The following RABEP1 variants were observed in gnomAD, a reference collection of about 807,000 sequenced individuals.
RABEP1 encodes rab GTPase-binding effector protein 1.
RABEP1 carries 51 observed loss-of-function variants against 123.4 expected under a neutral mutation model. That is an observed-to-expected ratio of 0.41 (90% CI 0.33 to 0.52). The LOEUF (loss-of-function observed/expected upper bound fraction) is 0.52, where lower values mean the gene tolerates loss of function less well. Among genes scored for constraint, RABEP1 ranks in the 20% least tolerant of loss-of-function variants. RABEP1 has a pLI of 0.16. For synonymous variants in RABEP1, 347 were observed against 355.2 expected (o/e 0.98, Z 0.26); for missense variants, 888 against 996.3 (o/e 0.89, Z 1.46).
In RABEP1 at chr17:5,379,748, CA is replaced by C. The variant is rs569360289; in HGVS notation, c.2272-614del. On this transcript the variant is annotated intron_variant, in intron 15 of 17. Transcript: ENST00000537505. ...CCCTAAATCATCTCCATATTGAAAT[CA>C]AGGTGATATTTAAACATTAGAAACT... Among the ~76,000 whole-genome samples, 918 of 152,292 alleles carry C rather than the reference CA, an allele frequency of 6.0e-3. 4 individuals carry two copies. The highest frequency in any genetic ancestry group is 9.2e-3 in the Non-Finnish European group (629 of 68,020).
At chr17:5,336,710 CT>C (rs934518339) in intron 4 of RABEP1, 18 of 241,148 alleles carry the variant, frequency 7.5e-5, no homozygotes, top group Non-Finnish European at 1.1e-4. Flanking sequence ...TTCCTCCCTC[CT>C]TTTTTTTCCT....
At chr17:5,356,563 C>T (rs1909033460) in intron 8 of RABEP1, 1 of 172,650 alleles carries the variant, frequency 5.8e-6, no homozygotes, top group East Asian at 1.0e-4. Context: ...GAGGTAACAA[C>T]TAATATTTTG....
chr17:5,323,754 CTAGGAATATATATATATATCTAGGAAT>C (rs1905647181), intron 2 of RABEP1, among the ~76,000 whole-genome samples: 1 of 82,192 alleles, frequency 1.2e-5, no homozygotes, highest in East Asian at 3.0e-4. Context: ...ATATATATAT[CTAGGAATATATATATATATCTAGGAAT>C]ATATATATAT....
intron 5 of RABEP1, among the ~76,000 whole-genome samples, chr17:5,338,362 GACC>G (rs140343709): frequency 0.032 from 4,924 of 152,260 alleles, 80 homozygotes; most frequent in Middle Eastern, 0.075. Context: ...GGGAGTTGGA[GACC>G]AGTCTGACCA....
chr17:5,344,329 T>C (rs1351895073), intron 5 of RABEP1, among the ~76,000 whole-genome samples: 1 of 151,930 alleles, frequency 6.6e-6, no homozygotes, highest in Non-Finnish European at 1.5e-5. Flanking sequence ...TCCCAGCTAC[T>C]TGGGAGGCTG....
chr17:5,312,353 G>A (rs952452755), intron 2 of RABEP1, among the ~76,000 whole-genome samples: 2 of 152,184 alleles, frequency 1.3e-5, no homozygotes, highest in Admixed American at 6.5e-5. Flanking sequence ...GTTTCACCCT[G>A]TTGGCCAGGC....
At chr17:5,378,315 A>G (rs542969737) in intron 15 of RABEP1, 83 bp downstream of exon 15, 1 of 1,341,540 alleles carries the variant, frequency 7.5e-7, no homozygotes, top group African/African-American at 1.4e-5. Context: ...AACGAATAAA[A>G]AATAGTTAAG....
At chr17:5,342,011 C>G (rs1907658572) in intron 5 of RABEP1, among the ~76,000 whole-genome samples, 1 of 152,130 alleles carries the variant, frequency 6.6e-6, no homozygotes, top group Non-Finnish European at 1.5e-5. Context: ...GGCATAAGAA[C>G]TGGAAAGAAA....
rs1279632111 is a variant in RABEP1 at position 5,332,281 on chromosome 17, G to A, written c.367+129G>A. The A allele has an allele frequency of 4.8e-6, 4 of 836,400 alleles. No homozygotes were observed. The East Asian group carries it at 1.1e-4, about 22-fold the overall frequency. 51.8% of individuals were successfully genotyped at this position (836,400 alleles called of 1,614,324 possible). On this transcript the variant is annotated intron_variant, in intron 3 of 17. Transcript: ENST00000537505. Reference sequence around the variant, plus strand: ...TGGTTTTATGTACTGTCATCATCAAGATATACTTTCAGATAAAAGAGAAGT... The same window carrying A: ...TGGTTTTATGTACTGTCATCATCAAAATATACTTTCAGATAAAAGAGAAGT...
At position 5,383,464 on chromosome 17, in the gene RABEP1, G is replaced by GC; in HGVS notation, c.*242dup. The GC allele has an allele frequency of 2.2e-6, 1 of 446,106 alleles. No homozygotes were observed. The allele number at this position is 446,106 out of a possible 1,614,324, so 27.6% of individuals were successfully genotyped here. On this transcript the variant is annotated 3_prime_UTR_variant, in exon 18 of 18. Transcript: ENST00000537505. ...TAAACTCCAGGCTTGATTCCAACAG[G>GC]CGTGGGATCAGATTTGGTGATGGAA...
intron 1 of RABEP1, among the ~76,000 whole-genome samples, chr17:5,287,781 C>G (rs2144436029): frequency 6.6e-6 from 1 of 151,742 alleles, no homozygotes; most frequent in Middle Eastern, 3.4e-3. Context: ...GTGTGATGGC[C>G]TGTGCCTCTA....
rs1449074962 is a variant in RABEP1, at chr17:5,335,226, A to G, written c.410A>G (p.Glu137Gly). The change falls in exon 4 of 18, where the codon GAG (glutamate) becomes GGG (glycine). Residue 137 changes from glutamate (E) to glycine (G), a missense_variant. Transcript: ENST00000537505. ...DYEHQFHLRL[E>G]QERTQWAQYR... Reference sequence around the variant, plus strand: ...GAGCACCAGTTCCACCTTAGGCTGGAGCAGGAGCGAACACAGTGGGCACAG... The same window carrying G: ...GAGCACCAGTTCCACCTTAGGCTGGGGCAGGAGCGAACACAGTGGGCACAG... The G allele has an allele frequency of 3.6e-5, 58 of 1,613,914 alleles. No individual in the cohort carries two copies. Among genetic ancestry groups the G allele is most frequent in the Non-Finnish European group, 4.7e-5 (56 of 1,179,928 alleles).
intron 13 of RABEP1, among the ~76,000 whole-genome samples, chr17:5,375,591 A>G (rs1055024506): frequency 2.0e-5 from 3 of 152,048 alleles, no homozygotes; most frequent in Admixed American, 2.0e-4. Flanking sequence ...CCCAGCTACA[A>G]CTACTTGGGA....
intron 2 of RABEP1, among the ~76,000 whole-genome samples, chr17:5,327,075 C>T (rs773591709): frequency 1.2e-4 from 19 of 152,120 alleles, no homozygotes; most frequent in Admixed American, 6.6e-4. Context: ...AGGCTGGGCA[C>T]GGTGGCTCAC....
At chr17:5,349,584 G>T (rs984770018) in intron 6 of RABEP1, among the ~76,000 whole-genome samples, 1 of 152,140 alleles carries the variant, frequency 6.6e-6, no homozygotes, top group East Asian at 1.9e-4. Flanking sequence ...ACCCAACGAG[G>T]ATTTCTGGAT....
At chr17:5,282,639 G>A (rs959112820) in intron 1 of RABEP1, 119 bp downstream of exon 1, 5 of 640,368 alleles carry the variant, frequency 7.8e-6, no homozygotes, top group African/African-American at 6.0e-5. Context: ...GGGTGACCCC[G>A]CCGGGCGGAG....
At chr17:5,297,490 C>A (rs1451478899) in intron 1 of RABEP1, among the ~76,000 whole-genome samples, 3 of 152,162 alleles carry the variant, frequency 2.0e-5, no homozygotes, top group Non-Finnish European at 4.4e-5. Flanking sequence ...ATGGGGAAAT[C>A]CAGCTAGGCC....
intron 2 of RABEP1, among the ~76,000 whole-genome samples, chr17:5,316,449 CAAAAAAAAAAAA>C (rs386385498): frequency 0.063 from 1,817 of 28,650 alleles, 78 homozygotes; most frequent in African/African-American, 0.21. Flanking sequence ...GACTCTGTCT[CAAAAAAAAAAAA>C]AAAAAAAAAA....
Position 5,308,829 on chromosome 17 carries a change from T to G in RABEP1, c.163+7T>G, listed in dbSNP as rs2075206780. On this transcript the variant is annotated splice_region_variant and intron_variant, in intron 2 of 17. Coordinates refer to ENST00000537505, the MANE Select transcript of RABEP1 (RefSeq NM_004703.6). Reference sequence around the variant, plus strand: ...TTATATTTGGCTAAAGAGGGTAAGTTCATAAGTCTCGCACCAACTTCAATG... The same window carrying G: ...TTATATTTGGCTAAAGAGGGTAAGTGCATAAGTCTCGCACCAACTTCAATG... The G allele has an allele frequency of 6.2e-7, 1 of 1,602,120 alleles. No homozygotes were observed. The highest frequency in any genetic ancestry group is 1.7e-4 in the Middle Eastern group (1 of 6,018).
Sources: gnomAD v4.1 joint callset for allele counts (sites outside exome capture counted in the v4.1 genomes callset) on GRCh38, gnomAD v4.1.1 for gene constraint, MANE v1.5 for transcripts, NCBI Gene and HGNC (gene_info 2026-07-23, HGNC 2026-07-21) for gene names.